The following GRID1 variants were observed in gnomAD, a reference collection of about 807,000 sequenced individuals.
The protein encoded by GRID1 is glutamate receptor ionotropic, delta-1.
A neutral mutation model predicts 98.0 loss-of-function variants in GRID1; 28 were observed. That is an observed-to-expected ratio of 0.29 (90% CI 0.21 to 0.39). The LOEUF (loss-of-function observed/expected upper bound fraction) is 0.39, where lower values mean the gene tolerates loss of function less well. Ranked by LOEUF, GRID1 falls within the 10% of genes least tolerant of loss-of-function variation. The probability of loss-of-function intolerance (pLI) is 1.00; values close to 1 mark genes in which losing one functional copy is unlikely to be tolerated. For missense variants in GRID1, 1,111 were observed against 1,340.5 expected (o/e 0.83, Z 2.67); for synonymous variants, 553 against 538.5 (o/e 1.03, Z -0.37).
chr10:85,620,623 T>C (rs1033745123), intron 13 of GRID1, among the ~76,000 whole-genome samples: 1 of 151,980 alleles, frequency 6.6e-6, no homozygotes, highest in South Asian at 2.1e-4. Context: ...TGAGGAAAAA[T>C]CCATTAGGGA....
intron 2 of GRID1, among the ~76,000 whole-genome samples, chr10:86,268,217 A>T (rs1466717978): frequency 1.3e-5 from 2 of 152,118 alleles, no homozygotes; most frequent in Non-Finnish European, 2.9e-5. Context: ...ATGCTCCCCA[A>T]CTCCTCAGAG....
At chr10:85,629,088 T>C (rs940526497) in intron 13 of GRID1, among the ~76,000 whole-genome samples, 21 of 152,054 alleles carry the variant, frequency 1.4e-4, no homozygotes, top group African/African-American at 5.1e-4. Flanking sequence ...CTGCAAATGA[T>C]TGCCTGTCTC....
intron 8 of GRID1, among the ~76,000 whole-genome samples, chr10:85,782,929 G>T (rs1412583168): frequency 6.6e-6 from 1 of 152,116 alleles, no homozygotes; most frequent in African/African-American, 2.4e-5. Context: ...ATCAAAAGAA[G>T]AAAGAAAATG....
At chr10:85,769,000 G>T (rs184411305) in intron 8 of GRID1, among the ~76,000 whole-genome samples, 1 of 152,266 alleles carries the variant, frequency 6.6e-6, no homozygotes, top group African/African-American at 2.4e-5. Context: ...TCCATCAATT[G>T]GGTGTTGGTA....
At chr10:85,770,437 T>C (rs1159496151) in intron 8 of GRID1, among the ~76,000 whole-genome samples, 4 of 152,182 alleles carry the variant, frequency 2.6e-5, no homozygotes, top group Non-Finnish European at 5.9e-5. Flanking sequence ...TCCAAAGGAA[T>C]GCAGCTCCTC....
chr10:86,093,512 C>T (rs929206721), intron 4 of GRID1, among the ~76,000 whole-genome samples: 3 of 151,850 alleles, frequency 2.0e-5, no homozygotes, highest in African/African-American at 7.3e-5. Flanking sequence ...AGAAACAAAA[C>T]AGTAGATATT....
intron 5 of GRID1, among the ~76,000 whole-genome samples, chr10:85,912,635 C>A (rs146057469): frequency 6.6e-6 from 1 of 152,274 alleles, no homozygotes; most frequent in East Asian, 1.9e-4. Context: ...CCCAGAGACA[C>A]CTGCGGTGGT....
intron 8 of GRID1, among the ~76,000 whole-genome samples, chr10:85,736,100 GA>G: frequency 8.0e-6 from 1 of 124,836 alleles, no homozygotes; most frequent in Non-Finnish European, 1.7e-5. Flanking sequence ...GAAGGAAGGA[GA>G]GAAGGAAGGA....
Position 86,366,052 on chromosome 10 carries a change from TC to T in GRID1, c.79+261del, listed in dbSNP as rs1427402518. 6.6e-6 allele frequency among the ~76,000 whole-genome samples: 1 copy of T among 151,926 alleles called. No individual in the cohort carries two copies. Among genetic ancestry groups the T allele is most frequent in the African/African-American group, 2.4e-5 (1 of 41,384 alleles). On this transcript the variant is annotated intron_variant, in intron 1 of 15. Transcript: ENST00000327946. The surrounding 1 kb of genome is among the most constrained non-coding windows in gnomAD (Gnocchi z 4.1). ...TCTCGACGCGCGTCCATCCCGGTGT[TC>T]CCCGAAGCGTCGGCCCTAAGTGTCG...
chr10:86,362,934 A>T (rs1434572524), intron 2 of GRID1, among the ~76,000 whole-genome samples: 1 of 152,262 alleles, frequency 6.6e-6, no homozygotes, highest in African/African-American at 2.4e-5. Context: ...GAATCCCTGC[A>T]TCCTGCGCCA....
intron 8 of GRID1, among the ~76,000 whole-genome samples, chr10:85,783,644 T>C (rs1842400322): frequency 6.6e-6 from 1 of 152,138 alleles, no homozygotes; most frequent in Non-Finnish European, 1.5e-5. Flanking sequence ...ACTTCGTCCT[T>C]GTGTCATGAG....
intron 4 of GRID1, among the ~76,000 whole-genome samples, chr10:85,935,962 T>C (rs1841920344): frequency 6.6e-6 from 1 of 152,200 alleles, no homozygotes; most frequent in African/African-American, 2.4e-5. Flanking sequence ...ACCTACTATG[T>C]GCCAGAGCCA....
At chr10:85,880,433 T>A (rs923936156) in intron 5 of GRID1, among the ~76,000 whole-genome samples, 17 of 152,316 alleles carry the variant, frequency 1.1e-4, no homozygotes, top group African/African-American at 3.6e-4. Flanking sequence ...CATGATCCAG[T>A]GGGCTTCATC....
chr10:85,773,378 G>T (rs548352824), intron 8 of GRID1, among the ~76,000 whole-genome samples: 1 of 152,292 alleles, frequency 6.6e-6, no homozygotes, highest in African/African-American at 2.4e-5. Context: ...TACTGAATGG[G>T]CAAAAACTGG....
intron 4 of GRID1, among the ~76,000 whole-genome samples, chr10:85,970,288 A>T (rs1842390703): frequency 6.6e-6 from 1 of 152,092 alleles, no homozygotes; most frequent in Non-Finnish European, 1.5e-5. Context: ...AAAAAATAGA[A>T]TAGGAGGGAA....
chr10:86,026,830 G>A (rs1446746585), intron 4 of GRID1, among the ~76,000 whole-genome samples: 1 of 152,160 alleles, frequency 6.6e-6, no homozygotes, highest in Non-Finnish European at 1.5e-5. Flanking sequence ...AGACGTGTGG[G>A]GTGTGAATCC....
Position 86,206,603 on chromosome 10 carries a change from G to A in GRID1, c.281C>T (p.Thr94Ile), listed in dbSNP as rs141101002. 1.9e-6 allele frequency: 3 copies of A among 1,614,034 alleles called. No individual in the cohort carries two copies. Among genetic ancestry groups the A allele is most frequent in the African/African-American group, 2.7e-5 (2 of 74,946 alleles). ...CAGGGCATTGGCAGATGCACAGCCA[G>A]TGGACGTGACCAAGGCCAAAATCCC... ...TQGILALVTS[T>I]GCASANALQS... is the part of the protein sequence containing the mutation. The change falls in exon 3 of 16, where the codon ACT (threonine) becomes ATT (isoleucine). Residue 94 changes from threonine (T) to isoleucine (I), a missense_variant. This residue lies in a region of GRID1 where 346 missense variants were observed against 452.3 expected (regional missense o/e 0.76). Transcript: ENST00000327946. The surrounding 1 kb of genome is among the most constrained non-coding windows in gnomAD (Gnocchi z 4.1).
intron 2 of GRID1, among the ~76,000 whole-genome samples, chr10:86,315,228 T>A (rs1344794801): frequency 6.6e-6 from 1 of 152,056 alleles, no homozygotes; most frequent in East Asian, 1.9e-4. Flanking sequence ...GGAGACCCCA[T>A]AAAGCAAAGG....
chr10:85,953,839 T>C (rs1301841827), intron 4 of GRID1, among the ~76,000 whole-genome samples: 2 of 152,302 alleles, frequency 1.3e-5, no homozygotes, highest in Non-Finnish European at 2.9e-5. Context: ...ATTCATCTTC[T>C]TCTTCTCTGC....
Sources: gnomAD v4.1 joint callset for allele counts (sites outside exome capture counted in the v4.1 genomes callset) on GRCh38, gnomAD v4.1.1 for gene constraint, gnomAD v4.1.1 regional missense constraint, Gnocchi (gnomAD v3.1) non-coding constraint, MANE v1.5 for transcripts, NCBI Gene and HGNC (gene_info 2026-07-23, HGNC 2026-07-21) for gene names.